The following PACRG variants were observed in gnomAD, a reference collection of about 807,000 sequenced individuals.
PACRG encodes parkin coregulated gene protein.
PACRG carries 29 observed loss-of-function variants against 29.7 expected under a neutral mutation model. The observed-to-expected ratio is 0.98, with a 90% CI of 0.73 to 1.33. PACRG has a LOEUF of 1.33. Among genes scored for constraint, PACRG ranks in the 40% most tolerant of loss-of-function variants. The pLI, the probability that PACRG is intolerant of heterozygous loss-of-function variation, is 0.00. For synonymous variants in PACRG, 116 were observed against 118.7 expected (o/e 0.98, Z 0.15); for missense variants, 279 against 316.2 (o/e 0.88, Z 0.89).
intron 2 of PACRG, among the ~76,000 whole-genome samples, chr6:163,008,234 C>T (rs939230287): frequency 6.6e-6 from 1 of 152,116 alleles, no homozygotes; most frequent in African/African-American, 2.4e-5. Flanking sequence ...GGGAGTATTG[C>T]TCAGGCCCTC....
chr6:163,011,730 C>T (rs1277579792), intron 2 of PACRG, among the ~76,000 whole-genome samples: 1 of 152,224 alleles, frequency 6.6e-6, no homozygotes, highest in Non-Finnish European at 1.5e-5. Flanking sequence ...AACACAAACA[C>T]ATTATACAGC....
At chr6:162,947,608 A>ATATATATATATATG (rs1554313269) in intron 2 of PACRG, among the ~76,000 whole-genome samples, 1 of 66,346 alleles carries the variant, frequency 1.5e-5, no homozygotes, top group Non-Finnish European at 2.7e-5. Context: ...ATATATATAT[A>ATATATATATATATG]ATCATATATA....
chr6:163,034,949 G>A (rs1331676328), intron 2 of PACRG, among the ~76,000 whole-genome samples: 1 of 152,140 alleles, frequency 6.6e-6, no homozygotes, highest in Admixed American at 6.5e-5. Context: ...CATTTTTGTG[G>A]TTATTTCTTG....
chr6:163,189,389 T>A (rs1780098528), intron 4 of PACRG: 1 of 152,196 alleles, frequency 6.6e-6, no homozygotes, highest in African/African-American at 2.4e-5. Flanking sequence ...AGAATTATCT[T>A]CTCTTACAGA....
intron 1 of PACRG, among the ~76,000 whole-genome samples, chr6:162,785,168 CAGAGAGAGAG>C (rs71008111): frequency 9.3e-4 from 128 of 138,122 alleles, no homozygotes; most frequent in Admixed American, 3.2e-3. Flanking sequence ...ATGAGGGAGG[CAGAGAGAGAG>C]AGAGAGAGAG....
At chr6:163,215,869 C>A (rs557127893) in intron 4 of PACRG, among the ~76,000 whole-genome samples, 1 of 152,268 alleles carries the variant, frequency 6.6e-6, no homozygotes, top group Non-Finnish European at 1.5e-5. Flanking sequence ...CTGAAGCATA[C>A]CCATTGGATT....
intron 2 of PACRG, among the ~76,000 whole-genome samples, chr6:162,976,703 A>G (rs1332274171): frequency 6.6e-6 from 1 of 152,240 alleles, no homozygotes; most frequent in East Asian, 1.9e-4. Flanking sequence ...AATCTAACTA[A>G]TGTAATAAAT....
chr6:162,852,273 TG>T (rs1790981447), intron 2 of PACRG, among the ~76,000 whole-genome samples: 1 of 152,144 alleles, frequency 6.6e-6, no homozygotes. Context: ...TAGAGTAGGG[TG>T]GGGTTTAAGT....
chr6:163,276,040 T>TTTC (rs1489249410), intron 4 of PACRG, among the ~76,000 whole-genome samples: 4 of 151,784 alleles, frequency 2.6e-5, no homozygotes, highest in African/African-American at 9.7e-5. Context: ...TCTTTCTTTT[T>TTTC]TATTTAGACA....
intron 2 of PACRG, among the ~76,000 whole-genome samples, chr6:162,993,182 A>AGGTGT (rs1803621910): frequency 6.6e-6 from 1 of 151,750 alleles, no homozygotes; most frequent in South Asian, 2.1e-4. Context: ...ATTTTAGAAT[A>AGGTGT]GGTGTGGTGT....
chr6:163,230,965 G>T (rs1181343324), intron 4 of PACRG, among the ~76,000 whole-genome samples: 1 of 152,250 alleles, frequency 6.6e-6, no homozygotes, highest in African/African-American at 2.4e-5. Context: ...AATGAATATG[G>T]TATTGAGATG....
At chr6:163,268,535 A>G (rs533161670) in intron 4 of PACRG, among the ~76,000 whole-genome samples, 22 of 152,336 alleles carry the variant, frequency 1.4e-4, no homozygotes, top group African/African-American at 5.3e-4. Flanking sequence ...ACACTATAGT[A>G]GGAATATTAG....
At chr6:162,918,052 TTAG>T (rs1796817795) in intron 2 of PACRG, among the ~76,000 whole-genome samples, 1 of 152,166 alleles carries the variant, frequency 6.6e-6, no homozygotes, top group Non-Finnish European at 1.5e-5. Flanking sequence ...TGTCATTTTG[TTAG>T]TAGATTCTAT....
intron 2 of PACRG, among the ~76,000 whole-genome samples, chr6:162,888,257 C>G (rs896426160): frequency 3.9e-5 from 6 of 152,028 alleles, no homozygotes; most frequent in Admixed American, 1.3e-4. Context: ...TTGAGCACTT[C>G]CCATCCTGGA....
intron 1 of PACRG, among the ~76,000 whole-genome samples, chr6:162,770,068 A>T (rs866802768): frequency 6.6e-6 from 1 of 152,144 alleles, no homozygotes; most frequent in Non-Finnish European, 1.5e-5. Context: ...AGGCAAACCA[A>T]TTAATGCCCC....
chr6:162,833,729 T>TA (rs1240508914), intron 2 of PACRG, among the ~76,000 whole-genome samples: 1 of 152,114 alleles, frequency 6.6e-6, no homozygotes, highest in Admixed American at 6.5e-5. Context: ...AATATGTACT[T>TA]AAAAAAACCA....
chr6:163,130,269 T>C (rs1466168706), intron 4 of PACRG, among the ~76,000 whole-genome samples: 1 of 152,188 alleles, frequency 6.6e-6, no homozygotes, highest in African/African-American at 2.4e-5. Flanking sequence ...GTTAGCAAAC[T>C]GCATTGGATG....
chr6:162,801,468 T>G (rs1225441146), intron 1 of PACRG, among the ~76,000 whole-genome samples: 1 of 150,440 alleles, frequency 6.6e-6, no homozygotes. Context: ...TAGCACCGAT[T>G]AGAAAAAAAA....
chr6:162,879,905 T>C (rs1793691022), intron 2 of PACRG, among the ~76,000 whole-genome samples: 1 of 152,226 alleles, frequency 6.6e-6, no homozygotes, highest in Non-Finnish European at 1.5e-5. Context: ...AAAACACCTC[T>C]CTCAAAAAGC....
Sources: allele counts gnomAD v4.1 joint callset (sites outside exome capture counted in the v4.1 genomes callset), GRCh38; gene constraint gnomAD v4.1.1; transcripts MANE v1.5; gene names NCBI Gene and HGNC (gene_info 2026-07-23, HGNC 2026-07-21).